Variants in USH2A observed in about 807,000 individuals in gnomAD.
USH2A encodes the protein usherin.
A neutral mutation model predicts 538.9 loss-of-function variants in USH2A; 443 were observed. That is an observed-to-expected ratio of 0.82 (90% CI 0.76 to 0.89). The LOEUF is 0.89. Among genes scored for constraint, USH2A ranks in the 40% least tolerant of loss-of-function variants. USH2A has a pLI of 0.00. For missense variants in USH2A, 6,633 were observed against 6,324.8 expected (o/e 1.05, Z -1.65); for synonymous variants, 2,413 against 2,273.5 (o/e 1.06, Z -1.75).
chr1:215,959,351 C>A (rs555509382), intron 37 of USH2A, among the ~76,000 whole-genome samples: 2 of 152,012 alleles, frequency 1.3e-5, no homozygotes, highest in African/African-American at 4.8e-5. Context: ...TCTGATTATG[C>A]TCATTTCATG....
intron 49 of USH2A, among the ~76,000 whole-genome samples, chr1:215,807,947 G>A (rs1248624182): frequency 6.6e-6 from 1 of 151,988 alleles, no homozygotes; most frequent in African/African-American, 2.4e-5. Context: ...GCAGCCCAAT[G>A]GACATCAGAA....
At chr1:216,027,728 C>A (rs1558219202) in intron 32 of USH2A, among the ~76,000 whole-genome samples, 1 of 152,106 alleles carries the variant, frequency 6.6e-6, no homozygotes. Context: ...AATCAGCAGA[C>A]TAGCTTTAAA....
intron 58 of USH2A, among the ~76,000 whole-genome samples, chr1:215,749,320 A>T (rs1015990298): frequency 1.3e-5 from 2 of 152,238 alleles, no homozygotes; most frequent in African/African-American, 4.8e-5. Context: ...ATATAAACAT[A>T]ATCTTAATCC....
chr1:215,668,071 C>T (rs959611780), intron 64 of USH2A, among the ~76,000 whole-genome samples: 3 of 152,170 alleles, frequency 2.0e-5, no homozygotes, highest in African/African-American at 7.2e-5. Flanking sequence ...TTATTCCCTA[C>T]AATCTACAAT....
At chr1:216,044,855 G>C (rs1018778715) in intron 32 of USH2A, among the ~76,000 whole-genome samples, 1 of 151,998 alleles carries the variant, frequency 6.6e-6, no homozygotes, top group African/African-American at 2.4e-5. Context: ...CTATGTTGTA[G>C]AATAAATATT....
chr1:216,239,792 G>C (rs1356289957), intron 13 of USH2A, among the ~76,000 whole-genome samples: 1 of 152,026 alleles, frequency 6.6e-6, no homozygotes, highest in African/African-American at 2.4e-5. Context: ...AAGTAAGGGT[G>C]GCAAGAAGTG....
intron 2 of USH2A, 23 bp downstream of exon 2, chr1:216,421,829 C>A: frequency 1.2e-6 from 2 of 1,613,764 alleles, no homozygotes; most frequent in Non-Finnish European, 1.7e-6. Context: ...CCTATGAAAG[C>A]TTATACCTAC....
intron 47 of USH2A, among the ~76,000 whole-genome samples, chr1:215,826,425 C>A (rs1304612850): frequency 6.6e-6 from 1 of 151,866 alleles, no homozygotes; most frequent in Non-Finnish European, 1.5e-5. Flanking sequence ...ACAGTGATGG[C>A]AGTGAAGTAA....
intron 21 of USH2A, among the ~76,000 whole-genome samples, chr1:216,102,844 TG>T (rs1441869486): frequency 6.6e-6 from 1 of 152,146 alleles, no homozygotes; most frequent in Non-Finnish European, 1.5e-5. Flanking sequence ...GATATATGTA[TG>T]TTTTCATCCA....
At chr1:215,935,293 A>G (rs75948182) in intron 37 of USH2A, among the ~76,000 whole-genome samples, 3,455 of 152,092 alleles carry the variant, frequency 0.023, 60 homozygotes, top group Middle Eastern at 0.078. Context: ...ATATTTCACA[A>G]ACTGAGGTGT....
chr1:216,041,572 A>C (rs1265969787), intron 32 of USH2A, among the ~76,000 whole-genome samples: 1 of 152,058 alleles, frequency 6.6e-6, no homozygotes, highest in Non-Finnish European at 1.5e-5. Flanking sequence ...AATTGTTGAC[A>C]CTTTGAATAT....
At chr1:216,372,898 G>A (rs1199467112) in intron 3 of USH2A, among the ~76,000 whole-genome samples, 1 of 152,136 alleles carries the variant, frequency 6.6e-6, no homozygotes, top group African/African-American at 2.4e-5. Context: ...ATGGAGAACA[G>A]ATGATTTCCA....
chr1:216,202,555 A>G (rs2035023562), intron 16 of USH2A, among the ~76,000 whole-genome samples: 1 of 152,168 alleles, frequency 6.6e-6, no homozygotes, highest in Non-Finnish European at 1.5e-5. Flanking sequence ...TTAACACTGA[A>G]TTTGAAAATT....
chr1:216,312,452 C>G (rs2102639000), intron 9 of USH2A, among the ~76,000 whole-genome samples: 1 of 152,146 alleles, frequency 6.6e-6, no homozygotes, highest in Middle Eastern at 3.4e-3. Flanking sequence ...AGCTGTCTCA[C>G]AGTTCTTAGA....
intron 26 of USH2A, among the ~76,000 whole-genome samples, chr1:216,078,901 C>T (rs1367345006): frequency 6.6e-6 from 1 of 152,030 alleles, no homozygotes; most frequent in Non-Finnish European, 1.5e-5. Flanking sequence ...CGGTTTTATT[C>T]TAAATCTTTA....
chr1:216,145,233 T>C (rs965783552), intron 21 of USH2A, among the ~76,000 whole-genome samples: 1 of 152,200 alleles, frequency 6.6e-6, no homozygotes, highest in Non-Finnish European at 1.5e-5. Flanking sequence ...CAAATTCTCA[T>C]GCGAACAGAA....
chr1:215,903,520 A>G (rs753367047), intron 38 of USH2A, among the ~76,000 whole-genome samples: 9 of 152,228 alleles, frequency 5.9e-5, no homozygotes, highest in African/African-American at 1.2e-4. Flanking sequence ...AAAAGAAAGA[A>G]TTGCCAGAGC....
chr1:216,403,779 T>A (rs182158843), intron 3 of USH2A, among the ~76,000 whole-genome samples: 66 of 152,296 alleles, frequency 4.3e-4, no homozygotes, highest in Middle Eastern at 6.8e-3. Context: ...TTGAACTGTA[T>A]AATCCCCATA....
At chr1:216,014,822 A>C (rs537551059) in intron 32 of USH2A, among the ~76,000 whole-genome samples, 2 of 152,328 alleles carry the variant, frequency 1.3e-5, no homozygotes, top group African/African-American at 4.8e-5. Context: ...CTGGCCATGA[A>C]TTATGTGCTA....
Sources: gnomAD v4.1 joint callset for allele counts (sites outside exome capture counted in the v4.1 genomes callset) on GRCh38, gnomAD v4.1.1 for gene constraint, MANE v1.5 for transcripts, NCBI Gene and HGNC (gene_info 2026-07-23, HGNC 2026-07-21) for gene names.